The following TP63 variants were observed in gnomAD, a reference collection of about 807,000 sequenced individuals.
The protein encoded by TP63 is tumor protein p63.
A neutral mutation model predicts 82.8 loss-of-function variants in TP63; 17 were observed. The observed-to-expected ratio is 0.21, with a 90% CI of 0.14 to 0.31. TP63 has a LOEUF of 0.31. Among genes scored for constraint, TP63 ranks in the 10% least tolerant of loss-of-function variants. The probability of loss-of-function intolerance (pLI) is 1.00; values close to 1 mark genes in which losing one functional copy is unlikely to be tolerated. For missense variants in TP63, 648 were observed against 895.3 expected (o/e 0.72, Z 3.52); for synonymous variants, 330 against 321.7 (o/e 1.03, Z -0.28).
intron 7 of TP63, 87 bp from the exon 8 acceptor site, chr3:189,868,493 A>G: frequency 6.4e-7 from 1 of 1,572,876 alleles, no homozygotes; most frequent in Non-Finnish European, 8.6e-7. Context: ...GCGATGGCCC[A>G]TATGGGAAGT....
At chr3:189,859,855 A>T (rs1051240017) in intron 4 of TP63, among the ~76,000 whole-genome samples, 23 of 152,210 alleles carry the variant, frequency 1.5e-4, no homozygotes, top group Admixed American at 1.5e-3. Flanking sequence ...CCACAGATAA[A>T]TCTCAAAAGC....
chr3:189,880,243 GTGTA>G, intron 10 of TP63: 1 of 1,549,442 alleles, frequency 6.5e-7, no homozygotes, highest in Admixed American at 1.8e-5. Flanking sequence ...GTGTGTGTGT[GTGTA>G]TGTGTGTGCG....
intron 10 of TP63, among the ~76,000 whole-genome samples, chr3:189,881,727 TA>T (rs140503733): frequency 1.3e-5 from 2 of 152,258 alleles, no homozygotes; most frequent in African/African-American, 4.8e-5. Flanking sequence ...TAAACTAACT[TA>T]AAAAAATACT....
At chr3:189,866,466 A>T (rs1192351719) in intron 5 of TP63, among the ~76,000 whole-genome samples, 1 of 152,156 alleles carries the variant, frequency 6.6e-6, no homozygotes, top group Non-Finnish European at 1.5e-5. Flanking sequence ...TTAACTGTAG[A>T]TGTGCATTCC....
At position 189,732,037 on chromosome 3, in the gene TP63, C is replaced by T. The variant is rs561162862; in HGVS notation, c.63-5703C>T. On this transcript the variant is annotated intron_variant, in intron 1 of 13. Coordinates refer to ENST00000264731, the MANE Select transcript of TP63 (RefSeq NM_003722.5). ...TAACATAGACCGTTAATTTTTCTTT[C>T]CTTTTTATTTTTAAGAAACAGACAC... Among the ~76,000 whole-genome samples the T allele has an allele frequency of 1.1e-4, 16 of 152,284 alleles. No homozygotes were observed. In the South Asian group the frequency reaches 3.1e-3, roughly 30 times the overall value.
At chr3:189,861,229 C>T (rs1432638345) in intron 4 of TP63, among the ~76,000 whole-genome samples, 1 of 152,164 alleles carries the variant, frequency 6.6e-6, no homozygotes, top group Admixed American at 6.5e-5. Context: ...TTATCTCCCA[C>T]ATATAAGTGA....
intron 3 of TP63, among the ~76,000 whole-genome samples, chr3:189,781,275 A>G (rs1389894012): frequency 6.6e-6 from 1 of 152,184 alleles, no homozygotes; most frequent in Non-Finnish European, 1.5e-5. Flanking sequence ...TGTAGCAGAG[A>G]GGATTAGTGA....
the TP63 span, among the ~76,000 whole-genome samples, chr3:189,609,982 A>C: frequency 6.6e-6 from 1 of 152,170 alleles, no homozygotes; most frequent in East Asian, 1.9e-4. Flanking sequence ...AGTTGAACTA[A>C]TTTACACTCC....
chr3:189,866,958 C>T lies in TP63; in HGVS notation c.882+161C>T, dbSNP rs537943442. ...TTTGTATTTTTTTCTACCTGTTCTC[C>T]ACATGCTTTCCCTTCAGAATACCTA... On this transcript the variant is annotated intron_variant, in intron 6 of 13. Transcript: ENST00000264731. 9.3e-4 allele frequency among the ~76,000 whole-genome samples: 142 copies of T among 152,296 alleles called. 1 individual carries two copies. Among genetic ancestry groups the T allele is most frequent in the African/African-American group, 3.2e-3 (131 of 41,560 alleles).
intron 4 of TP63, among the ~76,000 whole-genome samples, chr3:189,827,660 C>T (rs942627159): frequency 1.3e-5 from 2 of 152,056 alleles, no homozygotes; most frequent in African/African-American, 4.8e-5. Flanking sequence ...TTATGTAAGT[C>T]TAGGAGTGGG....
intron 1 of TP63, among the ~76,000 whole-genome samples, chr3:189,681,272 A>G (rs892289999): frequency 1.3e-5 from 2 of 151,934 alleles, no homozygotes; most frequent in Non-Finnish European, 2.9e-5. Flanking sequence ...ATATATTTTC[A>G]TAAGTGAATA....
chr3:189,680,846 A>G (rs534575479), intron 1 of TP63, among the ~76,000 whole-genome samples: 47 of 152,226 alleles, frequency 3.1e-4, no homozygotes, highest in South Asian at 8.3e-4. Flanking sequence ...CTTGAGCCTG[A>G]GTTTACATTA....
Position 189,808,325 on chromosome 3 carries a change from C to G in TP63, c.378C>G (p.Asn126Lys), listed in dbSNP as rs547314129. 2 of 1,614,180 alleles carry G rather than the reference C, an allele frequency of 1.2e-6. No homozygotes were observed. The highest frequency in any genetic ancestry group is 1.1e-5 in the South Asian group (1 of 91,086). ...ACAGCATGGACCAGCAGATTCAGAA[C>G]GGCTCCTCGTCCACCAGTCCCTATA... ...LLNSMDQQIQ[N>K]GSSSTSPYNT... The change falls in exon 4 of 14, where the codon AAC becomes AAG. Residue 126 changes from asparagine (N) to lysine (K), a missense_variant. By Grantham distance (94) the Asn-to-Lys change is moderately conservative. Around this residue, in one of 5 missense-constraint regions of TP63, gnomAD observed 182 missense variants for 213.6 expected, o/e 0.85. Transcript: ENST00000264731.
intron 1 of TP63, among the ~76,000 whole-genome samples, chr3:189,644,993 A>G (rs73194173): frequency 0.051 from 7,696 of 151,920 alleles, 244 homozygotes; most frequent in South Asian, 0.097. Context: ...AGACAGAGCA[A>G]CAGAGGCACT....
the TP63 span, among the ~76,000 whole-genome samples, chr3:189,596,814 C>T: frequency 6.6e-6 from 1 of 152,158 alleles, no homozygotes; most frequent in Non-Finnish European, 1.5e-5. Context: ...GTAAATCTTG[C>T]TACTGCTCAC....
chr3:189,839,309 C>T (rs950500548), intron 4 of TP63, among the ~76,000 whole-genome samples: 2 of 152,168 alleles, frequency 1.3e-5, no homozygotes, highest in East Asian at 1.9e-4. Flanking sequence ...TAATTCCTGC[C>T]GGAAGGACAG....
At chr3:189,813,462 G>A (rs1338522355) in intron 4 of TP63, among the ~76,000 whole-genome samples, 1 of 152,090 alleles carries the variant, frequency 6.6e-6, no homozygotes, top group Admixed American at 6.5e-5. Context: ...TAGTGATGAG[G>A]CTTCTTGGTG....
intron 3 of TP63, among the ~76,000 whole-genome samples, chr3:189,757,303 G>T (rs1433919024): frequency 6.6e-6 from 1 of 152,212 alleles, no homozygotes; most frequent in Non-Finnish European, 1.5e-5. Flanking sequence ...GAAGAGGTCA[G>T]GCTCCAGAGA....
rs1000155602 is a variant in TP63 at position 189,895,322 on chromosome 3, C to T, written c.*820C>T. 6.8e-5 allele frequency: 15 copies of T among 219,726 alleles called. No individual in the cohort carries two copies. The East Asian group carries it at 1.0e-3, about 15-fold the overall frequency. The allele number at this position is 219,726 out of a possible 1,614,324, so 13.6% of individuals were successfully genotyped here. A position where few individuals can be genotyped will look rare whatever the true frequency, so the allele number is the denominator to read the frequency against. On this transcript the variant is annotated 3_prime_UTR_variant, in exon 14 of 14. Transcript: ENST00000264731. The stretch of plus-strand genomic sequence containing the variant: ...CTTAAAAGGCCCATAGCAGCCAGTT[C>T]AAAAACACCCGACGTCATGTATTTG...
Sources: allele counts gnomAD v4.1 joint callset (sites outside exome capture counted in the v4.1 genomes callset), GRCh38; gene constraint gnomAD v4.1.1; regional missense constraint gnomAD v4.1.1; transcripts MANE v1.5; gene names NCBI Gene and HGNC (gene_info 2026-07-23, HGNC 2026-07-21).